UBTD1: variants seen among roughly 807,000 people sequenced by gnomAD.
UBTD1 encodes the protein ubiquitin domain-containing protein 1.
A neutral mutation model predicts 21.7 loss-of-function variants in UBTD1; 19 were observed. The ratio of observed to expected loss-of-function variants is 0.87; its 90% CI spans 0.61 to 1.28. UBTD1 has a LOEUF of 1.28. Ranked by LOEUF, UBTD1 falls within the 50% of genes most tolerant of loss-of-function variation. UBTD1 has a pLI of 0.00. For synonymous variants in UBTD1, 116 were observed against 135.1 expected (o/e 0.86, Z 0.98); for missense variants, 282 against 315.1 (o/e 0.89, Z 0.80).
At chr10:97,563,435 AAAG>A (rs768405160) in intron 1 of UBTD1, among the ~76,000 whole-genome samples, 11 of 152,174 alleles carry the variant, frequency 7.2e-5, no homozygotes, top group Non-Finnish European at 1.6e-4. Flanking sequence ...ATTGTTTGTT[AAAG>A]AAGGATTAGA....
At chr10:97,515,958 TGATCAGGAGCTCTGG>T (rs1234282992) in intron 1 of UBTD1, among the ~76,000 whole-genome samples, 1 of 152,230 alleles carries the variant, frequency 6.6e-6, no homozygotes, top group Non-Finnish European at 1.5e-5. Context: ...CTCGAGGCTT[TGATCAGGAGCTCTGG>T]TCCCAGGGAG....
At chr10:97,554,164 G>A (rs1196510034) in intron 1 of UBTD1, among the ~76,000 whole-genome samples, 1 of 152,064 alleles carries the variant, frequency 6.6e-6, no homozygotes, top group African/African-American at 2.4e-5. Flanking sequence ...TACAGCTCAG[G>A]TGTCCTTGTA....
intron 1 of UBTD1, among the ~76,000 whole-genome samples, chr10:97,542,995 A>G (rs1393915016): frequency 6.6e-6 from 1 of 152,218 alleles, no homozygotes; most frequent in African/African-American, 2.4e-5. Context: ...GCTGCTCCCA[A>G]ACTCCAGAGC....
At chr10:97,537,956 G>T (rs568561618) in intron 1 of UBTD1, among the ~76,000 whole-genome samples, 64 of 151,200 alleles carry the variant, frequency 4.2e-4, no homozygotes, top group Admixed American at 1.1e-3. Context: ...CTCCCAAGTA[G>T]CTGGGACTAC....
intron 1 of UBTD1, among the ~76,000 whole-genome samples, chr10:97,510,002 G>A (rs1177785986): frequency 6.9e-6 from 1 of 145,280 alleles, no homozygotes; most frequent in Non-Finnish European, 1.5e-5. Context: ...TCACTCTATT[G>A]CCCAGGCTGG....
chr10:97,541,797 C>T (rs1428477657), intron 1 of UBTD1, among the ~76,000 whole-genome samples: 2 of 141,522 alleles, frequency 1.4e-5, no homozygotes, highest in African/African-American at 2.7e-5. Context: ...TGCAGTAGTG[C>T]GATCTCGGCT....
At chr10:97,530,200 TTGAATGAA>T (rs113236509) in intron 1 of UBTD1, among the ~76,000 whole-genome samples, 4 of 151,248 alleles carry the variant, frequency 2.6e-5, no homozygotes, top group Admixed American at 2.0e-4. Flanking sequence ...TACATGTTTC[TTGAATGAA>T]TGAATGAATG....
chr10:97,556,558 G>C (rs763515744), intron 1 of UBTD1, among the ~76,000 whole-genome samples: 4 of 152,178 alleles, frequency 2.6e-5, no homozygotes, highest in Admixed American at 6.5e-5. Flanking sequence ...TGCCAAAGTG[G>C]CTGGTCCATA....
intron 1 of UBTD1, among the ~76,000 whole-genome samples, chr10:97,543,916 G>T (rs1437938169): frequency 6.6e-6 from 1 of 152,114 alleles, no homozygotes; most frequent in African/African-American, 2.4e-5. Context: ...GGAGCCCGGT[G>T]GGGCCTGGTG....
chr10:97,541,442 C>T (rs931842073), intron 1 of UBTD1, among the ~76,000 whole-genome samples: 1 of 152,090 alleles, frequency 6.6e-6, no homozygotes, highest in African/African-American at 2.4e-5. Context: ...CACACCACTG[C>T]ACTCCAGCCT....
intron 1 of UBTD1, among the ~76,000 whole-genome samples, chr10:97,550,146 AG>A (rs2040629923): frequency 6.6e-6 from 1 of 152,116 alleles, no homozygotes; most frequent in Non-Finnish European, 1.5e-5. Context: ...GTCTGGTGTG[AG>A]AGCCGTGTCT....
intron 1 of UBTD1, among the ~76,000 whole-genome samples, chr10:97,511,885 A>G (rs1334967102): frequency 6.6e-6 from 1 of 152,150 alleles, no homozygotes; most frequent in Non-Finnish European, 1.5e-5. Context: ...GGCCTAATTT[A>G]TGTCCATTTT....
intron 1 of UBTD1, among the ~76,000 whole-genome samples, chr10:97,545,148 C>A (rs1318244954): frequency 6.6e-6 from 1 of 150,710 alleles, no homozygotes; most frequent in Non-Finnish European, 1.5e-5. Flanking sequence ...TCCTGGCTAA[C>A]GTGGTGAAAC....
intron 1 of UBTD1, among the ~76,000 whole-genome samples, chr10:97,546,608 C>A (rs1165994618): frequency 9.5e-6 from 1 of 105,578 alleles, no homozygotes; most frequent in Non-Finnish European, 2.1e-5. Flanking sequence ...AAAAAAAAAG[C>A]TGACAGAAGA....
rs78325225 is a variant in UBTD1, at chr10:97,570,145, C to G, written c.306C>G (p.Leu102=). Residue 102 remains leucine, a synonymous_variant, in exon 3 of 3, where the codon CTC becomes CTG. Transcript: ENST00000370664. This position sits in a 1 kb window ranked among gnomAD's most constrained non-coding sequence, Gnocchi z 6.6. ...GASITLPHGT[L]CECYDELGNR... Reference sequence around the variant, plus strand: ...GCCCTGCCTCTCCTACAGGCACCCTCTGTGAATGCTACGATGAGCTGGGCA... The same window carrying G: ...GCCCTGCCTCTCCTACAGGCACCCTGTGTGAATGCTACGATGAGCTGGGCA... 6.2e-7 allele frequency: 1 copy of G among 1,604,572 alleles called. No homozygotes were observed. Among genetic ancestry groups the G allele is most frequent in the South Asian group, 1.1e-5 (1 of 90,808 alleles).
At chr10:97,561,069 A>T (rs2040690126) in intron 1 of UBTD1, among the ~76,000 whole-genome samples, 1 of 152,140 alleles carries the variant, frequency 6.6e-6, no homozygotes, top group Non-Finnish European at 1.5e-5. Context: ...ACCAAGTTTC[A>T]GATGTCCGGA....
At chr10:97,500,565 A>G (rs1302741490) in intron 1 of UBTD1, among the ~76,000 whole-genome samples, 1 of 152,132 alleles carries the variant, frequency 6.6e-6, no homozygotes, top group Non-Finnish European at 1.5e-5. Context: ...CATTTGTTCA[A>G]CAAATATGTG....
chr10:97,569,546 G>C (rs905995810), intron 2 of UBTD1, among the ~76,000 whole-genome samples: 1 of 152,232 alleles, frequency 6.6e-6, no homozygotes, highest in African/African-American at 2.4e-5. Flanking sequence ...ATCTGACTGT[G>C]GGGTGGCCAT....
intron 1 of UBTD1, among the ~76,000 whole-genome samples, chr10:97,513,420 G>T (rs2040430544): frequency 6.6e-6 from 1 of 152,226 alleles, no homozygotes; most frequent in Non-Finnish European, 1.5e-5. Flanking sequence ...GATGAGAGAG[G>T]TCCCTGGGAG....
Sources: gnomAD v4.1 joint callset for allele counts (sites outside exome capture counted in the v4.1 genomes callset) on GRCh38, gnomAD v4.1.1 for gene constraint, Gnocchi (gnomAD v3.1) non-coding constraint, MANE v1.5 for transcripts, NCBI Gene and HGNC (gene_info 2026-07-23, HGNC 2026-07-21) for gene names.